Variants in NFATC2IP observed in about 807,000 individuals in gnomAD.
NFATC2IP encodes nuclear factor of activated T cells 2 interacting protein, also known as NFATC2-interacting protein.
Under a neutral mutation model 40.2 loss-of-function variants are expected in NFATC2IP, and 25 were observed. The ratio of observed to expected loss-of-function variants is 0.62; its 90% confidence interval spans 0.45 to 0.87. NFATC2IP has a LOEUF of 0.87. Among genes scored for constraint, NFATC2IP ranks in the 40% least tolerant of loss-of-function variants. NFATC2IP has a pLI of 0.00. For missense variants in NFATC2IP, 553 were observed against 555.6 expected, an observed-to-expected ratio of 1.00 and a Z score of 0.05; for synonymous variants, 241 against 236.3, an observed-to-expected ratio of 1.02 and a Z score of -0.18.
chr16:28,951,355 T>G lies in NFATC2IP; in HGVS notation c.344T>G (p.Leu115Arg), dbSNP rs1964964663. 1 of 1,412,684 alleles carries G rather than the reference T, an allele frequency of 7.1e-7. No homozygotes were observed. The highest frequency in any genetic ancestry group is 9.2e-7 in the Non-Finnish European group (1 of 1,084,944). 87.5% of individuals were successfully genotyped at this position (1,412,684 alleles called of 1,614,324 possible). A position where few individuals can be genotyped will look rare whatever the true frequency, so the allele number is the denominator to read the frequency against. Residue 115 changes from leucine to arginine, a missense_variant, in exon 1 of 8, where the codon CTG becomes CGG. Leu to Arg is a moderately radical substitution (Grantham distance 102). Transcript: ENST00000320805. ...GTCAGGCGGCGGCGGCGGCTGGTGCTGGATCCGGGGGAGGCGCCGCTGGTT... is the reference window on the plus strand; with the variant it reads ...GTCAGGCGGCGGCGGCGGCTGGTGCGGGATCCGGGGGAGGCGCCGCTGGTT... ...EPVRRRRRLV[L>R]DPGEAPLVPV... is the part of the protein sequence containing the mutation.
In NFATC2IP at chr16:28,964,003, C is replaced by A. The variant is rs1596732768; in HGVS notation, c.*140C>A. ...AATCAAGGAGTGACTTTTGTCCCCT[C>A]TCCTGTTGACCCTGGTTTAGAGCCG... On this transcript the variant is annotated 3_prime_UTR_variant, in exon 8 of 8. Transcript: ENST00000320805. 1.3e-6 allele frequency: 1 copy of A among 763,944 alleles called. No individual in the cohort carries two copies. The allele number at this position is 763,944 out of a possible 1,614,324, so 47.3% of individuals were successfully genotyped here.
Position 28,963,849 on chromosome 16 carries a change from G to A in NFATC2IP, c.1246G>A (p.Glu416Lys). Residue 416 changes from glutamate to lysine, a missense_variant, in exon 8 of 8, where the codon GAG (glutamate) becomes AAG (lysine). By Grantham distance (56) the Glu-to-Lys change is moderately conservative. Coordinates refer to ENST00000320805, the MANE Select transcript of NFATC2IP (RefSeq NM_032815.4). ...DLGMESGDLI[E>K]VWG Reference sequence around the variant, plus strand: ...GGGCATGGAATCTGGGGACCTCATTGAGGTCTGGGGCTGACACCCCACTCC... The same window carrying A: ...GGGCATGGAATCTGGGGACCTCATTAAGGTCTGGGGCTGACACCCCACTCC... 6.2e-7 allele frequency: 1 copy of A among 1,614,234 alleles called. No individual in the cohort carries two copies. The highest frequency in any genetic ancestry group is 1.1e-5 in the South Asian group (1 of 91,086).
chr16:28,958,873 G>T lies in NFATC2IP; in HGVS notation c.991+12G>T. ...GGCTGACATCATTGGTGAGAGGAAG[G>T]CAGGGAGGTGGGGCCTTGAGGCATT... On this transcript the variant is annotated intron_variant, in intron 6 of 7. Transcript: ENST00000320805. The T allele has an allele frequency of 6.2e-7, 1 of 1,613,684 alleles. No individual in the cohort carries two copies. The highest frequency in any genetic ancestry group is 1.3e-5 in the African/African-American group (1 of 75,040).
rs1964973356 is a variant in NFATC2IP, at chr16:28,952,166, T to C, written c.422T>C (p.Leu141Pro). The C allele has an allele frequency of 6.2e-7, 1 of 1,613,764 alleles. No homozygotes were observed. The highest frequency in any genetic ancestry group is 1.3e-5 in the African/African-American group (1 of 74,884). The change falls in exon 2 of 8, where the codon CTA becomes CCA. Residue 141 changes from leucine (L) to proline (P), a missense_variant. Leu to Pro is a moderately conservative substitution (Grantham distance 98, BLOSUM62 -3). Coordinates refer to ENST00000320805, the MANE Select transcript of NFATC2IP (RefSeq NM_032815.4). ...AGCCTTCGCCTTATCCCAGATGATCTATCCCTCCTGAAACTCTACCCTCCA... is the reference window on the plus strand; with the variant it reads ...AGCCTTCGCCTTATCCCAGATGATCCATCCCTCCTGAAACTCTACCCTCCA... ...KSSLRLIPDD[L>P]SLLKLYPPGD...
rs1286683859 is a variant in NFATC2IP at position 28,965,567 on chromosome 16, C to CTGGAGG, written c.*1704_*1705insTGGAGG. 6.6e-6 allele frequency: 1 copy of CTGGAGG among 152,226 alleles called. No individual in the cohort carries two copies. The highest frequency in any genetic ancestry group is 1.5e-5 in the Non-Finnish European group (1 of 68,124). The allele number at this position is 152,226 out of a possible 1,614,324, so 9.4% of individuals were successfully genotyped here. A position where few individuals can be genotyped will look rare whatever the true frequency, so the allele number is the denominator to read the frequency against. ...AATTAGCTGGGCATGGTGGCGCACA[C>CTGGAGG]CTGTAGTCCCAGCTACTCTGGAGGC... is the stretch of plus-strand genomic sequence containing the variant. On this transcript the variant is annotated 3_prime_UTR_variant, in exon 8 of 8. Transcript: ENST00000320805.
In NFATC2IP at chr16:28,967,046, TA is replaced by T. The variant is rs1252550276; in HGVS notation, c.*3187del. 1 of 152,182 alleles carries T rather than the reference TA, an allele frequency of 6.6e-6. No individual in the cohort carries two copies. The highest frequency in any genetic ancestry group is 1.5e-5 in the Non-Finnish European group (1 of 68,026). 9.4% of individuals were successfully genotyped at this position (152,182 alleles called of 1,614,324 possible). ...TGTCCATTAATAAGTTTGAATACGT[TA>T]AAATTATATGTTTAACCTCAACAAA... On this transcript the variant is annotated 3_prime_UTR_variant, in exon 8 of 8. Coordinates refer to ENST00000320805, the MANE Select transcript of NFATC2IP (RefSeq NM_032815.4).
At chr16:28,954,497 G>A in intron 2 of NFATC2IP, 68 bp from the exon 3 acceptor site, 1 of 1,054,590 alleles carries the variant, frequency 9.5e-7, no homozygotes, top group South Asian at 1.3e-5. Context: ...CCTCTGACTT[G>A]TTTCTTCTTG....
intron 5 of NFATC2IP, 59 bp from the exon 6 acceptor site, chr16:28,958,658 G>T: frequency 1.4e-6 from 2 of 1,478,156 alleles, no homozygotes; most frequent in Non-Finnish European, 1.9e-6. Flanking sequence ...GGGTGGTGTG[G>T]CTGGGGGCAT....
Position 28,952,150 on chromosome 16 carries a change from C to T in NFATC2IP, c.406C>T (p.Leu136Phe), listed in dbSNP as rs865864325. The T allele has an allele frequency of 1.2e-6, 2 of 1,613,994 alleles. No individual in the cohort carries two copies. The highest frequency in any genetic ancestry group is 1.3e-5 in the African/African-American group (1 of 75,008). The change falls in exon 2 of 8, where the codon CTT (leucine) becomes TTT (phenylalanine). Residue 136 changes from leucine to phenylalanine, a missense_variant. Transcript: ENST00000320805. ...TTTGCAGGTTAAAAGCAGCCTTCGC[C>T]TTATCCCAGATGATCTATCCCTCCT... is the stretch of plus-strand genomic sequence containing the variant. ...YSGKVKSSLR[L>F]IPDDLSLLKL...
chr16:28,952,234 C>T (rs989134031), intron 2 of NFATC2IP, 30 bp downstream of exon 2: 1 of 1,612,584 alleles, frequency 6.2e-7, no homozygotes, highest in Non-Finnish European at 8.5e-7. Context: ...GAGAGGCACG[C>T]AGCCGCTGGC....
chr16:28,958,181 G>A (rs985915271), intron 5 of NFATC2IP, among the ~76,000 whole-genome samples: 11 of 151,788 alleles, frequency 7.2e-5, no homozygotes, highest in Admixed American at 1.3e-4. Flanking sequence ...CAGGTGCGGT[G>A]GCTCACACCT....
intron 2 of NFATC2IP, among the ~76,000 whole-genome samples, chr16:28,953,218 G>T (rs1314779800): frequency 6.6e-6 from 1 of 151,528 alleles, no homozygotes; most frequent in Non-Finnish European, 1.5e-5. Flanking sequence ...GGGATTACAG[G>T]CGCCCGCCAC....
At chr16:28,961,325 G>GAAAA (rs138576594) in intron 7 of NFATC2IP, among the ~76,000 whole-genome samples, 2 of 52,200 alleles carry the variant, frequency 3.8e-5, no homozygotes, top group African/African-American at 7.9e-5. Context: ...GACCCTATCT[G>GAAAA]AAAAAAAAAA....
chr16:28,951,117 C>G lies in NFATC2IP; in HGVS notation c.106C>G (p.Arg36Gly). 1 of 1,544,312 alleles carries G rather than the reference C, an allele frequency of 6.5e-7. No individual in the cohort carries two copies. The highest frequency in any genetic ancestry group is 8.7e-7 in the Non-Finnish European group (1 of 1,143,694). The change falls in exon 1 of 8, where the codon CGG becomes GGG. Residue 36 changes from arginine to glycine, a missense_variant. Transcript: ENST00000320805. ...GGRGRRPRAQRSPSRGTLDVV... is the reference protein window; with the variant it reads ...GGRGRRPRAQGSPSRGTLDVV... Reference sequence around the variant, plus strand: ...TCGGGGCCGGCGTCCTCGGGCCCAGCGGTCTCCATCCCGGGGCACGCTGGA... The same window carrying G: ...TCGGGGCCGGCGTCCTCGGGCCCAGGGGTCTCCATCCCGGGGCACGCTGGA...
chr16:28,952,347 G>A, intron 2 of NFATC2IP, 143 bp downstream of exon 2: 1 of 1,274,472 alleles, frequency 7.8e-7, no homozygotes, highest in Non-Finnish European at 1.1e-6. Flanking sequence ...CCAGCCACAG[G>A]AGCTGGATTG....
Position 28,966,908 on chromosome 16 carries a change from A to G in NFATC2IP, c.*3045A>G, listed in dbSNP as rs1965153894. ...CTCTAATATTTGCATGATTCTAATA[A>G]AAGTATGTCAACTTCTTAAAATGTT... is the stretch of plus-strand genomic sequence containing the variant. On this transcript the variant is annotated 3_prime_UTR_variant, in exon 8 of 8. Coordinates refer to ENST00000320805, the MANE Select transcript of NFATC2IP (RefSeq NM_032815.4). 1 of 152,236 alleles carries G rather than the reference A, an allele frequency of 6.6e-6. No individual in the cohort carries two copies. 9.4% of individuals were successfully genotyped at this position (152,236 alleles called of 1,614,324 possible). A position where few individuals can be genotyped will look rare whatever the true frequency, so the allele number is the denominator to read the frequency against.
At chr16:28,951,666 G>A (rs1964968942) in intron 1 of NFATC2IP, among the ~76,000 whole-genome samples, 1 of 152,092 alleles carries the variant, frequency 6.6e-6, no homozygotes, top group African/African-American at 2.4e-5. Context: ...GAAGAGCTGG[G>A]ATTCCTGAGA....
intron 5 of NFATC2IP, 69 bp downstream of exon 5, chr16:28,956,406 G>A (rs1965022821): frequency 2.4e-6 from 3 of 1,224,684 alleles, no homozygotes; most frequent in Non-Finnish European, 3.5e-6. Context: ...TGTCCAGCAG[G>A]GGTGTCCTGG....
intron 5 of NFATC2IP, chr16:28,958,448 T>A: frequency 2.8e-6 from 1 of 352,178 alleles, no homozygotes; most frequent in East Asian, 5.3e-5. Context: ...ACAGCCAGCC[T>A]GTCTAGGTGG....
Sources: allele counts gnomAD v4.1 joint callset (sites outside exome capture counted in the v4.1 genomes callset), GRCh38; gene constraint gnomAD v4.1.1; transcripts MANE v1.5; gene names NCBI Gene and HGNC (gene_info 2026-07-23, HGNC 2026-07-21).